Variants in UBXN8 observed in about 807,000 individuals in gnomAD.
UBXN8 encodes UBX domain-containing protein 8.
A neutral mutation model predicts 32.1 loss-of-function variants in UBXN8; 27 were observed. That is an observed-to-expected ratio of 0.84 (90% CI 0.62 to 1.16). UBXN8 has a LOEUF of 1.16. UBXN8 is among the 50% of genes most tolerant of loss of function. The pLI, the probability that UBXN8 is intolerant of heterozygous loss-of-function variation, is 0.00. For synonymous variants in UBXN8, 109 were observed against 111.8 expected (o/e 0.98, Z 0.16); for missense variants, 306 against 311.4 (o/e 0.98, Z 0.13).
intron 4 of UBXN8, chr8:30,755,974 A>G (rs1342699185): frequency 1.3e-5 from 2 of 151,710 alleles, no homozygotes; most frequent in African/African-American, 2.4e-5. Context: ...GTTTTCCTTC[A>G]GCATTGAATA....
At chr8:30,761,938 T>C (rs551359485) in intron 6 of UBXN8, among the ~76,000 whole-genome samples, 17 of 152,166 alleles carry the variant, frequency 1.1e-4, no homozygotes, top group African/African-American at 2.6e-4. Flanking sequence ...ACCCAACTTA[T>C]AGACACTTCC....
chr8:30,753,505 CCTCGGCCTCCCAAAATGCTGG>C (rs1805568785), intron 3 of UBXN8, among the ~76,000 whole-genome samples: 1 of 152,164 alleles, frequency 6.6e-6, no homozygotes, highest in Admixed American at 6.6e-5. Flanking sequence ...GATCCACCTG[CCTCGGCCTCCCAAAATGCTGG>C]GATTACAGGC....
chr8:30,745,613 C>T (rs1805340679), intron 1 of UBXN8, among the ~76,000 whole-genome samples: 1 of 152,176 alleles, frequency 6.6e-6, no homozygotes, highest in Admixed American at 6.6e-5. Context: ...AAAGACTGTC[C>T]TGAAGCTTCT....
At chr8:30,757,500 C>T (rs1326295083) in intron 5 of UBXN8, among the ~76,000 whole-genome samples, 1 of 151,608 alleles carries the variant, frequency 6.6e-6, no homozygotes, top group Non-Finnish European at 1.5e-5. Flanking sequence ...TGCAGTGAGC[C>T]AAGATTGCAC....
intron 3 of UBXN8, 143 bp from the exon 4 acceptor site, chr8:30,754,522 A>T: frequency 8.5e-7 from 1 of 1,178,798 alleles, no homozygotes; most frequent in Non-Finnish European, 1.2e-6. Flanking sequence ...GCCTCCCCAC[A>T]ACCAAGCAGC....
chr8:30,731,591 C>G (rs946850296), upstream of UBXN8, among the ~76,000 whole-genome samples: 1 of 151,976 alleles, frequency 6.6e-6, no homozygotes, highest in Non-Finnish European at 1.5e-5. Context: ...TACGGTCCCC[C>G]GAGAGGAGGA....
rs796952135 is a variant in UBXN8 at position 30,758,875 on chromosome 8, TTTTTTGTTTG to T, written c.528+1994_529-1998del. On this transcript the variant is annotated intron_variant, in intron 5 of 7. Coordinates refer to ENST00000265616, the MANE Select transcript of UBXN8 (RefSeq NM_005671.4). ...GATGAAGTCATTGGTAACAAATGTT[TTTTTTGTTTG>T]TTTTTTTTGTTTTTTTTTTTTTTTT... Among the ~76,000 whole-genome samples, 237 of 123,980 alleles carry T rather than the reference TTTTTTGTTTG, an allele frequency of 1.9e-3. 2 individuals are homozygous for T. The highest frequency in any genetic ancestry group is 7.3e-3 in the Middle Eastern group (2 of 274). The allele number at this position is 123,980 out of a possible 152,430, so 81.3% of individuals were successfully genotyped here.
chr8:30,756,936 G>A, intron 5 of UBXN8, 49 bp downstream of exon 5: 5 of 1,608,218 alleles, frequency 3.1e-6, no homozygotes, highest in Non-Finnish European at 4.2e-6. Context: ...TGCAGTAGGA[G>A]TATTGAACTC....
intron 5 of UBXN8, among the ~76,000 whole-genome samples, chr8:30,759,947 A>G (rs973981678): frequency 1.9e-4 from 28 of 150,530 alleles, no homozygotes; most frequent in African/African-American, 6.9e-4. Context: ...ACAGAGTGAG[A>G]CTCCGTCTCA....
At chr8:30,733,578 CG>C (rs1174141415) in intron 1 of UBXN8, among the ~76,000 whole-genome samples, 4 of 152,166 alleles carry the variant, frequency 2.6e-5, no homozygotes, top group African/African-American at 9.7e-5. Flanking sequence ...TGCCCCCTTC[CG>C]GGCATCAGTG....
chr8:30,760,779 T>G, intron 5 of UBXN8, 109 bp from the exon 6 acceptor site: 1 of 671,174 alleles, frequency 1.5e-6, no homozygotes, highest in South Asian at 1.9e-5. Context: ...AGAAAAGATA[T>G]AAGTAAGCTT....
At chr8:30,755,770 A>AG (rs1805641821) in intron 4 of UBXN8, among the ~76,000 whole-genome samples, 1 of 150,570 alleles carries the variant, frequency 6.6e-6, no homozygotes, top group Admixed American at 6.7e-5. Context: ...GAAAAAAAAA[A>AG]AAAAAAAAAA....
At chr8:30,763,111 C>T (rs976160274) in intron 6 of UBXN8, 162 bp from the exon 7 acceptor site, 8 of 657,108 alleles carry the variant, frequency 1.2e-5, no homozygotes, top group East Asian at 2.9e-5. Context: ...CTCCCAAAGT[C>T]CTGGGATTAC....
Position 30,744,232 on chromosome 8 carries a change from G to C in UBXN8, c.43G>C (p.Val15Leu). 6.2e-7 allele frequency: 1 copy of C among 1,613,866 alleles called. No homozygotes were observed. Among genetic ancestry groups the C allele is most frequent in the Non-Finnish European group, 8.5e-7 (1 of 1,179,844 alleles). Residue 15 changes from valine to leucine, a missense_variant, in exon 1 of 8, where the codon GTC becomes CTC. Physicochemically the swap from Val to Leu is conservative, Grantham distance 32 (BLOSUM62 1). Coordinates refer to ENST00000265616, the MANE Select transcript of UBXN8 (RefSeq NM_005671.4). The stretch of plus-strand genomic sequence containing the variant: ...TGTTGGCATTTTCTTCCTCTCTGCT[G>C]TCCCCCTTGTGTGTCTGGAGCTCCG... ...GVVGIFFLSA[V>L]PLVCLELRRG...
Position 30,756,824 on chromosome 8 carries a change from C to A in UBXN8, c.465C>A (p.Ser155Arg). 6.2e-7 allele frequency: 1 copy of A among 1,613,992 alleles called. No individual in the cohort carries two copies. Among genetic ancestry groups the A allele is most frequent in the Non-Finnish European group, 8.5e-7 (1 of 1,179,898 alleles). Residue 155 changes from serine (S) to arginine (R), a missense_variant, in exon 5 of 8, where the codon AGC becomes AGA. Physicochemically the swap from Ser to Arg is moderately radical, Grantham distance 110. Transcript: ENST00000265616. ...CATCAAACAGAGAAGCAGCAAAGAGCCAGAACTTGCCTAAACCTTTAACTG... is the reference window on the plus strand; with the variant it reads ...CATCAAACAGAGAAGCAGCAAAGAGACAGAACTTGCCTAAACCTTTAACTG... ...FETSNREAAK[S>R]QNLPKPLTEF...
upstream of UBXN8, among the ~76,000 whole-genome samples, chr8:30,739,847 CAA>C (rs933985315): frequency 2.0e-5 from 3 of 152,120 alleles, no homozygotes; most frequent in African/African-American, 7.2e-5. Flanking sequence ...CTAGAAGAGG[CAA>C]AATTAACCTA....
chr8:30,740,037 G>A (rs1280039740), upstream of UBXN8, among the ~76,000 whole-genome samples: 1 of 152,126 alleles, frequency 6.6e-6, no homozygotes, highest in African/African-American at 2.4e-5. Context: ...GAGTAGCTGT[G>A]ACCACAGGTG....
upstream of UBXN8, among the ~76,000 whole-genome samples, chr8:30,731,103 A>G (rs12542365): frequency 0.28 from 42,881 of 152,152 alleles, 7,482 homozygotes; most frequent in African/African-American, 0.5. Context: ...GAAATAGGAC[A>G]TTGGAAGAAC....
intron 4 of UBXN8, among the ~76,000 whole-genome samples, chr8:30,755,872 C>G (rs956334187): frequency 1.3e-4 from 19 of 151,332 alleles, no homozygotes; most frequent in Non-Finnish European, 2.5e-4. Flanking sequence ...GATCTTTCCT[C>G]AAGTCAAGAT....
Sources: allele counts gnomAD v4.1 joint callset (sites outside exome capture counted in the v4.1 genomes callset), GRCh38; gene constraint gnomAD v4.1.1; transcripts MANE v1.5; gene names NCBI Gene and HGNC (gene_info 2026-07-23, HGNC 2026-07-21).